TULP2: variants seen among roughly 807,000 people sequenced by gnomAD.
TULP2 encodes TUB like protein 2.
TULP2 carries 64 observed loss-of-function variants against 60.3 expected under a neutral mutation model. The ratio of observed to expected loss-of-function variants is 1.06; its 90% CI spans 0.87 to 1.31. The LOEUF is 1.31. TULP2 is among the 50% of genes most tolerant of loss of function. The probability of loss-of-function intolerance (pLI) is 0.00; values close to 1 mark genes in which losing one functional copy is unlikely to be tolerated. For synonymous variants in TULP2, 267 were observed against 265.4 expected (o/e 1.01, Z -0.06); for missense variants, 652 against 667.0 (o/e 0.98, Z 0.25).
At chr19:48,885,066 A>G (rs959765556) in intron 9 of TULP2, among the ~76,000 whole-genome samples, 2 of 151,652 alleles carry the variant, frequency 1.3e-5, no homozygotes, top group African/African-American at 4.8e-5. Context: ...ATGCCTGGCT[A>G]ATTTTTGTAT....
At chr19:48,896,052 A>AC in intron 4 of TULP2, among the ~76,000 whole-genome samples, 1 of 151,580 alleles carries the variant, frequency 6.6e-6, no homozygotes, top group Non-Finnish European at 1.5e-5. Flanking sequence ...CCCGCCCCGG[A>AC]CCCCTAGACC....
chr19:48,894,165 T>G (rs1160949261), intron 6 of TULP2, among the ~76,000 whole-genome samples: 2 of 151,968 alleles, frequency 1.3e-5, no homozygotes, highest in Admixed American at 6.6e-5. Flanking sequence ...CCGGAGTATC[T>G]GGGATTACAA....
chr19:48,891,630 C>G (rs897272355), intron 6 of TULP2, among the ~76,000 whole-genome samples: 2 of 152,180 alleles, frequency 1.3e-5, no homozygotes, highest in Non-Finnish European at 2.9e-5. Flanking sequence ...CCTCCACACC[C>G]GTGGGTATTT....
intron 6 of TULP2, among the ~76,000 whole-genome samples, chr19:48,894,102 G>A (rs577063351): frequency 1.3e-5 from 2 of 151,254 alleles, no homozygotes; most frequent in Middle Eastern, 3.4e-3. Flanking sequence ...GCATGATCTC[G>A]GCTCACTGCA....
chr19:48,891,491 G>A (rs536905983), intron 6 of TULP2, among the ~76,000 whole-genome samples: 3 of 152,110 alleles, frequency 2.0e-5, no homozygotes, highest in African/African-American at 7.2e-5. Flanking sequence ...TTAGCAGGGC[G>A]TGGCAGCGTG....
rs1343322095 is a variant in TULP2, at chr19:48,897,487, G to A, written c.33-91C>T. ...CTTCCCCCATCCTGCCCCTATCTCA[G>A]CTTGGGTTCTGGGCACCTGTGAGGT... On this transcript the variant is annotated intron_variant, in intron 2 of 12. Coordinates refer to ENST00000221399, the MANE Select transcript of TULP2 (RefSeq NM_003323.3). This position sits in a 1 kb window ranked among gnomAD's most constrained non-coding sequence, Gnocchi z 4.0. The A allele has an allele frequency of 1.4e-6, 2 of 1,401,364 alleles. No individual in the cohort carries two copies. The highest frequency in any genetic ancestry group is 2.0e-6 in the Non-Finnish European group (2 of 1,006,062). The allele number at this position is 1,401,364 out of a possible 1,614,324, so 86.8% of individuals were successfully genotyped here.
intron 5 of TULP2, 22 bp downstream of exon 5, chr19:48,895,344 A>G (rs1361838539): frequency 1.2e-6 from 2 of 1,611,504 alleles, no homozygotes; most frequent in Non-Finnish European, 8.5e-7. Flanking sequence ...GGGGTCTAGG[A>G]GGTCGGTGGA....
chr19:48,892,504 CTT>C lies in TULP2; in HGVS notation c.514+2492_514+2493del, dbSNP rs771083525. Among the ~76,000 whole-genome samples the C allele has an allele frequency of 1.2e-4, 17 of 144,482 alleles. No individual in the cohort carries two copies. In the South Asian group the frequency reaches 2.4e-3, roughly 20 times the overall value. The allele number at this position is 144,482 out of a possible 152,430, so 94.8% of individuals were successfully genotyped here. The stretch of plus-strand genomic sequence containing the variant: ...AGCATCTCAAAGCAGAACAGTTTTT[CTT>C]TTTTTTTTTGGGGGGGGGACGGAGT... On this transcript the variant is annotated intron_variant, in intron 6 of 12. Coordinates refer to ENST00000221399, the MANE Select transcript of TULP2 (RefSeq NM_003323.3).
chr19:48,896,100 G>A (rs2037276409), intron 4 of TULP2, among the ~76,000 whole-genome samples: 1 of 151,850 alleles, frequency 6.6e-6, no homozygotes, highest in African/African-American at 2.4e-5. Context: ...GGGGGTCCCG[G>A]CTTTCCCAGG....
At chr19:48,898,130 C>T in intron 1 of TULP2, 1 of 202,920 alleles carries the variant, frequency 4.9e-6, no homozygotes, top group Admixed American at 5.9e-5. Flanking sequence ...CGCTATTCTG[C>T]CTAATTTTTT....
intron 7 of TULP2, among the ~76,000 whole-genome samples, 163 bp downstream of exon 7, chr19:48,889,347 C>G (rs1166733731): frequency 6.8e-6 from 1 of 146,714 alleles, no homozygotes; most frequent in Non-Finnish European, 1.5e-5. Context: ...CACACACATG[C>G]ACGCACGCAC....
intron 6 of TULP2, among the ~76,000 whole-genome samples, chr19:48,890,948 C>T (rs1383670292): frequency 1.3e-5 from 2 of 151,918 alleles, no homozygotes; most frequent in African/African-American, 2.4e-5. Context: ...TAAAAGGAAA[C>T]GTCACCACAA....
At position 48,885,399 on chromosome 19, in the gene TULP2, C is replaced by T. The variant is rs199825135; in HGVS notation, c.1061+49G>A. 96 of 1,531,466 alleles carry T rather than the reference C, an allele frequency of 6.3e-5. No homozygotes were observed. The African/African-American group carries it at 9.4e-4, about 15-fold the overall frequency. 94.9% of individuals were successfully genotyped at this position (1,531,466 alleles called of 1,614,324 possible). On this transcript the variant is annotated intron_variant, in intron 9 of 12. Transcript: ENST00000221399. ...GCTGGGAAATGGAGTCCCCCTGTCC[C>T]TAAGCTCCCTGCTACCTGCTCCTCA...
Position 48,887,974 on chromosome 19 carries a change from G to C in TULP2, c.924C>G (p.Tyr308Ter). ...CCTGCAGGCTGTCAGAGGTCTCCAG[G>C]TAGAGGTAGTAGAGGGGGAACAAGC... is the stretch of plus-strand genomic sequence containing the variant. ...DKGLFPLYYLYLETSDSLQRF... is the reference protein window; with the variant it reads ...DKGLFPLYYL The change falls in exon 8 of 13, where the codon TAC becomes TAG. Residue 308 changes from tyrosine (Y) to a stop codon, truncating the protein, a stop_gained. Coordinates refer to ENST00000221399, the MANE Select transcript of TULP2 (RefSeq NM_003323.3). LOFTEE classifies it high-confidence loss of function. The C allele has an allele frequency of 1.9e-6, 3 of 1,612,738 alleles. No individual in the cohort carries two copies. Among genetic ancestry groups the C allele is most frequent in the Non-Finnish European group, 2.5e-6 (3 of 1,178,846 alleles).
At position 48,890,765 on chromosome 19, in the gene TULP2, C is replaced by A. The variant is rs1280037600; in HGVS notation, c.515-1134G>T. ...ACAACCTCCTCCTCCTCCAGGTGCACGGAAGTCTACAAGGGCCAGAGTTTC... is the reference window on the plus strand; with the variant it reads ...ACAACCTCCTCCTCCTCCAGGTGCAAGGAAGTCTACAAGGGCCAGAGTTTC... On this transcript the variant is annotated intron_variant, in intron 6 of 12. Coordinates refer to ENST00000221399, the MANE Select transcript of TULP2 (RefSeq NM_003323.3). Among the ~76,000 whole-genome samples the A allele has an allele frequency of 2.0e-5, 3 of 152,104 alleles. No homozygotes were observed. The South Asian group carries it at 6.2e-4, about 31-fold the overall frequency.
In TULP2 at chr19:48,881,089, TGG is replaced by T. The variant is rs2037125339; in HGVS notation, c.1483_1484del (p.Pro495ArgfsTer12). On this transcript the variant is annotated frameshift_variant, in exon 13 of 13. Coordinates refer to ENST00000221399, the MANE Select transcript of TULP2 (RefSeq NM_003323.3). LOFTEE classifies it high-confidence loss of function. Reference protein sequence around the residue: ...HLVLQFGRVGPDTFTMDFCFP... With the variant: ...HLVLQFGRVGXDTFTMDFCFP... ...AGCAGAAGTCCATGGTGAATGTGTC[TGG>T]GCCCACTCGGCCGAACTGGAGCACC... 1.2e-6 allele frequency: 2 copies of T among 1,613,410 alleles called. No individual in the cohort carries two copies. Among genetic ancestry groups the T allele is most frequent in the South Asian group, 2.2e-5 (2 of 91,060 alleles).
intron 6 of TULP2, among the ~76,000 whole-genome samples, chr19:48,892,517 G>GTTT (rs1568575049): frequency 5.1e-4 from 76 of 149,240 alleles, no homozygotes; most frequent in Non-Finnish European, 7.7e-4. Flanking sequence ...TTTTTTTTTG[G>GTTT]GGGGGGGACG....
At position 48,883,927 on chromosome 19, in the gene TULP2, C is replaced by G. The variant is rs776698207; in HGVS notation, c.1176+5G>C. 1 of 1,614,032 alleles carries G rather than the reference C, an allele frequency of 6.2e-7. No individual in the cohort carries two copies. The highest frequency in any genetic ancestry group is 1.1e-5 in the South Asian group (1 of 91,084). On this transcript the variant is annotated splice_donor_5th_base_variant and intron_variant, in intron 10 of 12. Transcript: ENST00000221399. ...ACCCCATTCTCTCATCCCCAGGACA[C>G]TCACATAACACACAGCCCCCAGCTC...
At chr19:48,892,213 C>A (rs977005657) in intron 6 of TULP2, among the ~76,000 whole-genome samples, 1 of 152,228 alleles carries the variant, frequency 6.6e-6, no homozygotes, top group Non-Finnish European at 1.5e-5. Flanking sequence ...TCCCTTCCCA[C>A]GAGGCCATAT....
Sources: gnomAD v4.1 joint callset for allele counts (sites outside exome capture counted in the v4.1 genomes callset) on GRCh38, gnomAD v4.1.1 for gene constraint, Gnocchi (gnomAD v3.1) non-coding constraint, MANE v1.5 for transcripts, NCBI Gene and HGNC (gene_info 2026-07-23, HGNC 2026-07-21) for gene names.